The following PRKCA variants were observed in gnomAD, a reference collection of about 807,000 sequenced individuals.
The protein encoded by PRKCA is protein kinase C alpha type.
PRKCA carries 27 observed loss-of-function variants against 87.0 expected under a neutral mutation model. The observed-to-expected ratio is 0.31, with a 90% CI of 0.23 to 0.43. The LOEUF is 0.43. Ranked by LOEUF, PRKCA falls within the 20% of genes least tolerant of loss-of-function variation. The pLI, the probability that PRKCA is intolerant of heterozygous loss-of-function variation, is 1.00. For synonymous variants in PRKCA, 329 were observed against 311.1 expected (o/e 1.06, Z -0.61); for missense variants, 518 against 852.3 (o/e 0.61, Z 4.88).
At chr17:66,765,478 ATATATATATATTTGTCTT>A (rs1278296085) in intron 13 of PRKCA, among the ~76,000 whole-genome samples, 1 of 129,442 alleles carries the variant, frequency 7.7e-6, no homozygotes, top group Non-Finnish European at 1.6e-5. Context: ...ATATTTGTCC[ATATATATATATTTGTCTT>A]TATATATATA....
rs866931567 is a variant in PRKCA, at chr17:66,798,443, G to A, written c.1855-5430G>A. On this transcript the variant is annotated intron_variant, in intron 16 of 16. Transcript: ENST00000413366. Reference sequence around the variant, plus strand: ...GGTGGTGGTGGTGGTGACGGTGGTGGTGGTGGTGACGGTGGTGGTGGTGGT... The same window carrying A: ...GGTGGTGGTGGTGGTGACGGTGGTGATGGTGGTGACGGTGGTGGTGGTGGT... Among the ~76,000 whole-genome samples the A allele has an allele frequency of 2.5e-3, 207 of 83,936 alleles. 6 individuals carry two copies. Among genetic ancestry groups the A allele is most frequent in the East Asian group, 0.011 (27 of 2,550 alleles). 55.1% of individuals were successfully genotyped at this position (83,936 alleles called of 152,430 possible).
chr17:66,803,980 A>G lies in PRKCA; in HGVS notation c.1962A>G (p.Glu654=), dbSNP rs755996011. 13 of 1,613,930 alleles carry G rather than the reference A, an allele frequency of 8.1e-6. No homozygotes were observed. Among genetic ancestry groups the G allele is most frequent in the Admixed American group, 1.7e-5 (1 of 59,996 alleles). ...VIANIDQSDF[E]GFSYVNPQFV... ...CTAACATAGACCAGTCTGATTTTGA[A>G]GGGTTCTCGTATGTCAACCCCCAGT... The change falls in exon 17 of 17, where the codon GAA becomes GAG. Residue 654 remains glutamate (E), a synonymous_variant. Coordinates refer to ENST00000413366, the MANE Select transcript of PRKCA (RefSeq NM_002737.3). This position sits in a 1 kb window ranked among gnomAD's most constrained non-coding sequence, Gnocchi z 4.4.
intron 2 of PRKCA, among the ~76,000 whole-genome samples, chr17:66,314,231 A>G (rs1905197744): frequency 6.6e-6 from 1 of 152,192 alleles, no homozygotes; most frequent in African/African-American, 2.4e-5. Context: ...GGTGACATAA[A>G]ATTAAGGTTT....
At chr17:66,739,536 A>G (rs1318542810) in intron 11 of PRKCA, among the ~76,000 whole-genome samples, 2 of 152,130 alleles carry the variant, frequency 1.3e-5, no homozygotes, top group Non-Finnish European at 2.9e-5. Flanking sequence ...GAAGTCACCT[A>G]ACAATTAATA....
intron 2 of PRKCA, among the ~76,000 whole-genome samples, chr17:66,418,849 T>A (rs956138382): frequency 6.6e-6 from 1 of 152,014 alleles, no homozygotes; most frequent in African/African-American, 2.4e-5. Context: ...CCTTCTGTGT[T>A]CACGCCATTC....
intron 3 of PRKCA, among the ~76,000 whole-genome samples, chr17:66,587,401 C>T (rs969071786): frequency 6.6e-6 from 1 of 152,022 alleles, no homozygotes; most frequent in African/African-American, 2.4e-5. Flanking sequence ...TCTACAGATT[C>T]GTTTGAAACT....
At chr17:66,497,533 A>G (rs1057032043) in intron 3 of PRKCA, among the ~76,000 whole-genome samples, 2 of 152,162 alleles carry the variant, frequency 1.3e-5, no homozygotes, top group African/African-American at 2.4e-5. Context: ...AGTCACGGAA[A>G]ATACCAATGT....
chr17:66,303,505 G>GA (rs991842042), intron 1 of PRKCA, among the ~76,000 whole-genome samples: 2 of 151,840 alleles, frequency 1.3e-5, no homozygotes, highest in Admixed American at 6.6e-5. Context: ...GTTCGGGGTG[G>GA]GGGGGTTGTG....
chr17:66,376,989 C>T (rs1310461546), intron 2 of PRKCA, among the ~76,000 whole-genome samples: 2 of 152,086 alleles, frequency 1.3e-5, no homozygotes, highest in East Asian at 3.9e-4. Context: ...TGAGTTCAGT[C>T]CCCTGCAAAA....
chr17:66,629,861 T>C (rs1427340996), intron 3 of PRKCA, among the ~76,000 whole-genome samples: 1 of 152,124 alleles, frequency 6.6e-6, no homozygotes, highest in Admixed American at 6.6e-5. Context: ...ACACATACCC[T>C]CCTATACAAT....
intron 3 of PRKCA, among the ~76,000 whole-genome samples, chr17:66,563,088 TGTTCCCTTATACCTGCC>T (rs1968767332): frequency 2.0e-5 from 3 of 152,254 alleles, no homozygotes; most frequent in Admixed American, 6.5e-5. Flanking sequence ...GAAAGTACAG[TGTTCCCTTATACCTGCC>T]CCTCTCCTCA....
chr17:66,703,146 G>A (rs976983734), intron 8 of PRKCA, among the ~76,000 whole-genome samples: 2 of 152,076 alleles, frequency 1.3e-5, no homozygotes, highest in Non-Finnish European at 2.9e-5. Context: ...TTAGCCTACA[G>A]TAACTATTTT....
At chr17:66,468,182 A>G (rs1215170777) in intron 2 of PRKCA, among the ~76,000 whole-genome samples, 1 of 152,274 alleles carries the variant, frequency 6.6e-6, no homozygotes, top group Non-Finnish European at 1.5e-5. Flanking sequence ...AAAGAAATGA[A>G]AACTACAGAA....
intron 3 of PRKCA, among the ~76,000 whole-genome samples, chr17:66,546,004 C>A (rs148692962): frequency 6.6e-6 from 1 of 152,124 alleles, no homozygotes; most frequent in African/African-American, 2.4e-5. Context: ...CATGATACTT[C>A]GTTTTTTATC....
intron 3 of PRKCA, among the ~76,000 whole-genome samples, chr17:66,622,297 C>T (rs1970709297): frequency 6.6e-6 from 1 of 152,192 alleles, no homozygotes; most frequent in South Asian, 2.1e-4. Flanking sequence ...CAAGCAATGA[C>T]CTTCTCTTTC....
intron 3 of PRKCA, among the ~76,000 whole-genome samples, chr17:66,542,024 G>A (rs934847878): frequency 5.9e-5 from 9 of 152,214 alleles, no homozygotes; most frequent in African/African-American, 2.2e-4. Flanking sequence ...CAATTGCAGA[G>A]TCCTGAAGCT....
At chr17:66,417,473 G>A (rs1054616851) in intron 2 of PRKCA, among the ~76,000 whole-genome samples, 1 of 151,914 alleles carries the variant, frequency 6.6e-6, no homozygotes, top group African/African-American at 2.4e-5. Context: ...CCATTCCTAG[G>A]CTGCAAGGAT....
At chr17:66,333,676 G>A (rs1014897628) in intron 2 of PRKCA, among the ~76,000 whole-genome samples, 5 of 152,064 alleles carry the variant, frequency 3.3e-5, no homozygotes, top group Non-Finnish European at 5.9e-5. Context: ...ATTAAGTCCT[G>A]GCCTTTGCAG....
intron 2 of PRKCA, among the ~76,000 whole-genome samples, chr17:66,398,527 T>A (rs1276057320): frequency 1.3e-5 from 2 of 152,068 alleles, no homozygotes; most frequent in Non-Finnish European, 2.9e-5. Flanking sequence ...GGCATTTTGG[T>A]GTGGAGAGAG....
Sources: gnomAD v4.1 joint callset for allele counts (sites outside exome capture counted in the v4.1 genomes callset) on GRCh38, gnomAD v4.1.1 for gene constraint, Gnocchi (gnomAD v3.1) non-coding constraint, MANE v1.5 for transcripts, NCBI Gene and HGNC (gene_info 2026-07-23, HGNC 2026-07-21) for gene names.